SEC63: variants seen among roughly 807,000 people sequenced by gnomAD.
SEC63 encodes the protein translocation protein SEC63 homolog.
Under a neutral mutation model 116.2 loss-of-function variants are expected in SEC63, and 56 were observed. The ratio of observed to expected loss-of-function variants is 0.48; its 90% confidence interval spans 0.39 to 0.60. SEC63 has a LOEUF of 0.60. SEC63 is among the 20% of genes least tolerant of loss of function. The probability of loss-of-function intolerance (pLI) is 0.00; values close to 1 mark genes in which losing one functional copy is unlikely to be tolerated. For missense variants in SEC63, 668 were observed against 900.0 expected (o/e 0.74, Z 3.30); for synonymous variants, 273 against 294.6 (o/e 0.93, Z 0.75).
chr6:107,915,127 G>A (rs960173802), intron 4 of SEC63, among the ~76,000 whole-genome samples: 1 of 152,116 alleles, frequency 6.6e-6, no homozygotes, highest in African/African-American at 2.4e-5. Context: ...CGTAATTTTA[G>A]TATAATTCAC....
Position 107,909,010 on chromosome 6 carries a change from C to T in SEC63, c.650G>A (p.Arg217His), listed in dbSNP as rs777426725. Residue 217 changes from arginine to histidine, a missense_variant, in exon 8 of 21, where the codon CGC (arginine) becomes CAC (histidine). Around this residue, in one of 5 missense-constraint regions of SEC63, gnomAD observed 430 missense variants for 557.5 expected, o/e 0.77. Coordinates refer to ENST00000369002, the MANE Select transcript of SEC63 (RefSeq NM_007214.5). ...TATTAGAATCTGGTCTCCACTATAG[C>T]GTATTGAGCGATACCACCAAGAGCC... is the stretch of plus-strand genomic sequence containing the variant. ...VVGSWWYRSIRYSGDQILIRT... is the reference protein window; with the variant it reads ...VVGSWWYRSIHYSGDQILIRT... 39 of 1,611,920 alleles carry T rather than the reference C, an allele frequency of 2.4e-5. No homozygotes were observed. Among genetic ancestry groups the T allele is most frequent in the South Asian group, 8.8e-5 (8 of 90,996 alleles).
rs942318729 is a variant in SEC63 at position 107,957,814 on chromosome 6, G to A, written c.124+72C>T. On this transcript the variant is annotated intron_variant, in intron 1 of 20. Coordinates refer to ENST00000369002, the MANE Select transcript of SEC63 (RefSeq NM_007214.5). ...GACGCCGCGGGCTGGGGCCGGGCAA[G>A]CGGGCGCCGCAGGGCCTGGGGGCGC... 11 of 1,389,888 alleles carry A rather than the reference G, an allele frequency of 7.9e-6. No homozygotes were observed. The Admixed American group carries it at 1.3e-4, about 16-fold the overall frequency. The allele number at this position is 1,389,888 out of a possible 1,614,324, so 86.1% of individuals were successfully genotyped here. A position where few individuals can be genotyped will look rare whatever the true frequency, so the allele number is the denominator to read the frequency against.
chr6:107,942,341 C>G (rs1434596871), intron 1 of SEC63, among the ~76,000 whole-genome samples: 1 of 152,240 alleles, frequency 6.6e-6, no homozygotes, highest in Non-Finnish European at 1.5e-5. Flanking sequence ...TTTGATTCCT[C>G]TGTACTGAAG....
At chr6:107,952,924 A>G (rs374052663) in intron 1 of SEC63, among the ~76,000 whole-genome samples, 7 of 152,196 alleles carry the variant, frequency 4.6e-5, no homozygotes, top group Admixed American at 3.9e-4. Context: ...ACTGTTTCAC[A>G]GGAAAACTAA....
intron 16 of SEC63, among the ~76,000 whole-genome samples, chr6:107,884,676 C>T (rs557539486): frequency 6.6e-6 from 1 of 152,228 alleles, no homozygotes; most frequent in East Asian, 1.9e-4. Context: ...AAAGGGAATA[C>T]TTCCTAGCTT....
chr6:107,890,592 T>C (rs1190916408), intron 16 of SEC63, among the ~76,000 whole-genome samples: 8 of 152,228 alleles, frequency 5.3e-5, no homozygotes, highest in Non-Finnish European at 1.5e-5. Context: ...CTGTTATGTG[T>C]GAATTTGATC....
chr6:107,868,655 G>A lies in SEC63; in HGVS notation c.*3049C>T, dbSNP rs1786055307. ...TAGCCCCTAAAGAAATAATTCTTCT[G>A]CCTACAGTAGATAGACTAAAAAAAA... On this transcript the variant is annotated 3_prime_UTR_variant, in exon 21 of 21. Coordinates refer to ENST00000369002, the MANE Select transcript of SEC63 (RefSeq NM_007214.5). The A allele has an allele frequency of 6.6e-6, 1 of 151,250 alleles. No individual in the cohort carries two copies. The allele number at this position is 151,250 out of a possible 1,614,324, so 9.4% of individuals were successfully genotyped here. A position where few individuals can be genotyped will look rare whatever the true frequency, so the allele number is the denominator to read the frequency against.
intron 11 of SEC63, 33 bp downstream of exon 11, chr6:107,904,596 A>G (rs770297318): frequency 6.6e-7 from 1 of 1,517,678 alleles, no homozygotes; most frequent in Admixed American, 1.7e-5. Context: ...TGCAAGAAAA[A>G]GTATAACATA....
At chr6:107,954,228 C>T (rs7775970) in intron 1 of SEC63, among the ~76,000 whole-genome samples, 39,245 of 151,076 alleles carry the variant, frequency 0.26, 8,796 homozygotes, top group African/African-American at 0.62. Flanking sequence ...GGATTAAGGG[C>T]GGTGCAAGAT....
intron 1 of SEC63, among the ~76,000 whole-genome samples, chr6:107,939,002 G>A (rs1562338068): frequency 6.6e-6 from 1 of 152,046 alleles, no homozygotes; most frequent in Non-Finnish European, 1.5e-5. Flanking sequence ...TATTACAATG[G>A]CCGGGCACAG....
chr6:107,888,184 A>T (rs898254198), intron 16 of SEC63, among the ~76,000 whole-genome samples: 3 of 152,162 alleles, frequency 2.0e-5, no homozygotes, highest in Non-Finnish European at 2.9e-5. Flanking sequence ...TACTTTGGGG[A>T]GTGTGGCCAT....
At position 107,912,922 on chromosome 6, in the gene SEC63, C is replaced by T. The variant is rs1446420521; in HGVS notation, c.515-148G>A. On this transcript the variant is annotated intron_variant, in intron 5 of 20. Transcript: ENST00000369002. ...TGAGAAAGATTATCTTATTAGTAGG[C>T]CCCCATTACACAAAAGTTCAGGGAT... 1.3e-5 allele frequency: 9 copies of T among 693,640 alleles called. No individual in the cohort carries two copies. In the East Asian group the frequency reaches 2.2e-4, roughly 17 times the overall value. 43.0% of individuals were successfully genotyped at this position (693,640 alleles called of 1,614,324 possible).
In SEC63 at chr6:107,924,839, A is replaced by G. The variant is rs745574021; in HGVS notation, c.318T>C (p.Tyr106=). Residue 106 remains tyrosine (Y), a synonymous_variant, in exon 3 of 21, where the codon TAT becomes TAC. Transcript: ENST00000369002. ...TTACAGGATCCAAATTTAATACTTC[A>G]TAAGGATTGTATTCTTGGTATTCTC... is the stretch of plus-strand genomic sequence containing the variant. ...TDREYQEYNP[Y]EVLNLDPGAT... The G allele has an allele frequency of 2.6e-6, 4 of 1,549,836 alleles. No individual in the cohort carries two copies. The highest frequency in any genetic ancestry group is 2.7e-6 in the Non-Finnish European group (3 of 1,121,556).
chr6:107,871,931 AC>A, intron 20 of SEC63, 84 bp from the exon 21 acceptor site: 1 of 1,423,908 alleles, frequency 7.0e-7, no homozygotes, highest in Non-Finnish European at 9.8e-7. Flanking sequence ...GTTTTCTTTG[AC>A]CACAGCAATT....
At chr6:107,947,773 T>C (rs1770506391) in intron 1 of SEC63, among the ~76,000 whole-genome samples, 2 of 152,156 alleles carry the variant, frequency 1.3e-5, no homozygotes, top group African/African-American at 4.8e-5. Context: ...ATTCTCTTTC[T>C]AATCTGACCA....
chr6:107,912,578 C>A (rs1374340481), intron 6 of SEC63, 138 bp downstream of exon 6: 4 of 690,738 alleles, frequency 5.8e-6, no homozygotes, highest in Non-Finnish European at 8.0e-6. Context: ...GAGCAAGACT[C>A]TGTCTCAAAT....
chr6:107,899,250 C>T (rs529383313), intron 13 of SEC63, among the ~76,000 whole-genome samples: 5 of 152,150 alleles, frequency 3.3e-5, no homozygotes, highest in Non-Finnish European at 5.9e-5. Flanking sequence ...TCCTCCTTCA[C>T]CAACTATAGC....
rs267600758 is a variant in SEC63, at chr6:107,929,425, G to C, written c.214C>G (p.Pro72Ala). The change falls in exon 2 of 21, where the codon CCT becomes GCT. Residue 72 changes from proline to alanine, a missense_variant. Coordinates refer to ENST00000369002, the MANE Select transcript of SEC63 (RefSeq NM_007214.5). ...RLLKPQPNII[P>A]TVKKIVLLAG... ...AAATCCATTACTTACTTTACTGTAG[G>C]AATAATATTTGGCTGGGGTTTTAAT... The C allele has an allele frequency of 6.5e-7, 1 of 1,547,066 alleles. No individual in the cohort carries two copies. The highest frequency in any genetic ancestry group is 1.4e-5 in the African/African-American group (1 of 73,590).
At chr6:107,882,725 C>G (rs2114406097) in intron 17 of SEC63, among the ~76,000 whole-genome samples, 1 of 152,238 alleles carries the variant, frequency 6.6e-6, no homozygotes, top group South Asian at 2.1e-4. Context: ...GACCTAACCT[C>G]AAACCCAGGT....
Sources: gnomAD v4.1 joint callset for allele counts (sites outside exome capture counted in the v4.1 genomes callset) on GRCh38, gnomAD v4.1.1 for gene constraint, gnomAD v4.1.1 regional missense constraint, MANE v1.5 for transcripts, NCBI Gene and HGNC (gene_info 2026-07-23, HGNC 2026-07-21) for gene names.